YIPF1: variants seen among roughly 807,000 people sequenced by gnomAD.
The protein encoded by YIPF1 is protein YIPF1.
YIPF1 carries 22 observed loss-of-function variants against 37.0 expected under a neutral mutation model. That is an observed-to-expected ratio of 0.59 (90% CI 0.42 to 0.85). The LOEUF (loss-of-function observed/expected upper bound fraction) is 0.85. Ranked by LOEUF, YIPF1 falls within the 40% of genes least tolerant of loss-of-function variation. The pLI, the probability that YIPF1 is intolerant of heterozygous loss-of-function variation, is 0.00. For missense variants in YIPF1, 355 were observed against 373.1 expected (o/e 0.95, Z 0.40); for synonymous variants, 128 against 131.9 (o/e 0.97, Z 0.21).
At position 53,860,141 on chromosome 1, in the gene YIPF1, C is replaced by A; in HGVS notation, c.844G>T (p.Asp282Tyr). 1 of 1,613,714 alleles carries A rather than the reference C, an allele frequency of 6.2e-7. No homozygotes were observed. Among genetic ancestry groups the A allele is most frequent in the East Asian group, 2.2e-5 (1 of 44,854 alleles). The change falls in exon 10 of 11, where the codon GAT becomes TAT. Residue 282 changes from aspartate (D) to tyrosine (Y), a missense_variant. Coordinates refer to ENST00000072644, the MANE Select transcript of YIPF1 (RefSeq NM_018982.5). ...LSVGCLAYFF[D>Y]APEMDHLPTT... Reference sequence around the variant, plus strand: ...GGGAGATGGTCCATCTCTGGTGCATCAAAAAAGTATGCCTGTGGGGAAAAA... The same window carrying A: ...GGGAGATGGTCCATCTCTGGTGCATAAAAAAAGTATGCCTGTGGGGAAAAA...
At chr1:53,865,044 T>A (rs6588494) in intron 9 of YIPF1, among the ~76,000 whole-genome samples, 57,772 of 151,936 alleles carry the variant, frequency 0.38, 11,201 homozygotes, top group East Asian at 0.57. Flanking sequence ...ACATGCTCTC[T>A]CCCTAAAAAG....
chr1:53,878,832 A>G lies in YIPF1; in HGVS notation c.196-110T>C, dbSNP rs914407489. The stretch of plus-strand genomic sequence containing the variant: ...ATGGAAAAGCAAAACGTTTGAAACA[A>G]TAGGCTCTTCCACATTCAATAACCA... On this transcript the variant is annotated intron_variant, in intron 4 of 10. Coordinates refer to ENST00000072644, the MANE Select transcript of YIPF1 (RefSeq NM_018982.5). 31 of 953,008 alleles carry G rather than the reference A, an allele frequency of 3.3e-5. No homozygotes were observed. The Admixed American group carries it at 8.9e-4, about 27-fold the overall frequency. 59.0% of individuals were successfully genotyped at this position (953,008 alleles called of 1,614,324 possible). A position where few individuals can be genotyped will look rare whatever the true frequency, so the allele number is the denominator to read the frequency against.
intron 7 of YIPF1, among the ~76,000 whole-genome samples, chr1:53,870,572 T>C (rs368462081): frequency 1.3e-5 from 2 of 152,152 alleles, no homozygotes; most frequent in South Asian, 2.1e-4. Context: ...TGACTGGCAA[T>C]TGCAGATGAC....
At chr1:53,865,401 T>C (rs1649990406) in intron 9 of YIPF1, among the ~76,000 whole-genome samples, 2 of 152,104 alleles carry the variant, frequency 1.3e-5, no homozygotes, top group African/African-American at 4.8e-5. Context: ...AACACCAATA[T>C]GACAATAAAA....
chr1:53,870,514 C>A (rs997617117), intron 7 of YIPF1, among the ~76,000 whole-genome samples: 1 of 152,018 alleles, frequency 6.6e-6, no homozygotes, highest in African/African-American at 2.4e-5. Flanking sequence ...AGAATAGGCA[C>A]CAGTTTGGAA....
rs140056089 is a variant in YIPF1, at chr1:53,871,413, A to G, written c.440T>C (p.Leu147Pro). 1 of 1,614,036 alleles carries G rather than the reference A, an allele frequency of 6.2e-7. No homozygotes were observed. Among genetic ancestry groups the G allele is most frequent in the Non-Finnish European group, 8.5e-7 (1 of 1,179,988 alleles). The part of the protein sequence containing the change: ...SGNLSNFLIH[L>P]GEKTYHYVPE... ...CACATAATGGTACGTCTTCTCTCCC[A>G]GATGGATCAAGAAGTTGGAAAGATT... The change falls in exon 7 of 11, where the codon CTG becomes CCG. Residue 147 changes from leucine (L) to proline (P), a missense_variant. Transcript: ENST00000072644.
Position 53,866,897 on chromosome 1 carries a change from GCA to G in YIPF1, c.507_508del (p.Ala170LeufsTer82). 1 of 1,613,488 alleles carries G rather than the reference GCA, an allele frequency of 6.2e-7. No individual in the cohort carries two copies. Among genetic ancestry groups the G allele is most frequent in the Non-Finnish European group, 8.5e-7 (1 of 1,179,710 alleles). On this transcript the variant is annotated frameshift_variant, in exon 8 of 11. Coordinates refer to ENST00000072644, the MANE Select transcript of YIPF1 (RefSeq NM_018982.5). LOFTEE classifies it high-confidence loss of function. ...TGCAAGAGGAACCAGCCAGGCATAG[GCA>G]TAGATGATGGTAGCTGCTATGGACA...
rs573337532 is a variant in YIPF1 at position 53,867,412 on chromosome 1, G to A, written c.482-488C>T. ...TTTTGAGACAGAGTCTTGCTCTGTC[G>A]CCCAGGCTGGAGTGCAGTGGCGCGA... On this transcript the variant is annotated intron_variant, in intron 7 of 10. Transcript: ENST00000072644. Among the ~76,000 whole-genome samples, 444 of 121,134 alleles carry A rather than the reference G, an allele frequency of 3.7e-3. 2 individuals are homozygous for A. The highest frequency in any genetic ancestry group is 0.014 in the South Asian group (55 of 3,808). 79.5% of individuals were successfully genotyped at this position (121,134 alleles called of 152,430 possible).
intron 7 of YIPF1, among the ~76,000 whole-genome samples, chr1:53,869,870 C>T (rs942452294): frequency 1.4e-5 from 2 of 143,348 alleles, no homozygotes; most frequent in African/African-American, 2.6e-5. Context: ...TCTTTCTCCC[C>T]GCTTTTTTTT....
At chr1:53,869,262 T>C (rs902996404) in intron 7 of YIPF1, among the ~76,000 whole-genome samples, 2 of 152,078 alleles carry the variant, frequency 1.3e-5, no homozygotes, top group Admixed American at 1.3e-4. Context: ...ATGGTTAACA[T>C]TTATTGCATT....
At position 53,888,847 on chromosome 1, in the gene YIPF1, C is replaced by T. The variant is rs894030903; in HGVS notation, c.31+60G>A. On this transcript the variant is annotated intron_variant, in intron 3 of 10. Transcript: ENST00000072644. ...GTGAGGCAGTATAGGAATGAAAATA[C>T]TTGCTGTGACTGTAGCAACAGTGAT... 25 of 1,468,388 alleles carry T rather than the reference C, an allele frequency of 1.7e-5. 1 individual carries two copies. The African/African-American group carries it at 2.5e-4, about 15-fold the overall frequency. 91.0% of individuals were successfully genotyped at this position (1,468,388 alleles called of 1,614,324 possible). A position where few individuals can be genotyped will look rare whatever the true frequency, so the allele number is the denominator to read the frequency against.
chr1:53,879,534 A>G (rs1053028152), intron 4 of YIPF1, among the ~76,000 whole-genome samples: 3 of 152,188 alleles, frequency 2.0e-5, no homozygotes, highest in African/African-American at 7.2e-5. Flanking sequence ...CCTATTGAGA[A>G]GAGGCACCTG....
At chr1:53,878,481 T>C (rs893027680) in intron 5 of YIPF1, 79 bp from the exon 6 acceptor site, 10 of 1,520,016 alleles carry the variant, frequency 6.6e-6, no homozygotes, top group African/African-American at 1.4e-5. Context: ...TGAAACTCAG[T>C]CATTAGAGCT....
intron 9 of YIPF1, among the ~76,000 whole-genome samples, chr1:53,865,333 C>T (rs183535367): frequency 2.6e-5 from 4 of 152,266 alleles, no homozygotes; most frequent in East Asian, 3.9e-4. Flanking sequence ...ACAGGCTCAG[C>T]ATGCTCAGGC....
intron 4 of YIPF1, among the ~76,000 whole-genome samples, chr1:53,882,517 G>C (rs1168287158): frequency 7.3e-5 from 11 of 151,620 alleles, no homozygotes; most frequent in Non-Finnish European, 1.6e-4. Flanking sequence ...GAGTGTAGTG[G>C]TGCAATCTCA....
chr1:53,864,783 G>C (rs1210557396), intron 9 of YIPF1, among the ~76,000 whole-genome samples: 2 of 152,028 alleles, frequency 1.3e-5, no homozygotes, highest in Non-Finnish European at 2.9e-5. Context: ...GTGTACAGAA[G>C]ACACAAAACC....
rs765095150 is a variant in YIPF1, at chr1:53,871,383, T to C, written c.470A>G (p.Glu157Gly). ...LGEKTYHYVP[E>G]FRKVSIAATI... ...AGCTATTCACCAACCTTTTCGGAATTCGGGCACATAATGGTACGTCTTCTC... is the reference window on the plus strand; with the variant it reads ...AGCTATTCACCAACCTTTTCGGAATCCGGGCACATAATGGTACGTCTTCTC... The change falls in exon 7 of 11, where the codon GAA (glutamate) becomes GGA (glycine). Residue 157 changes from glutamate to glycine, a missense_variant. Physicochemically the swap from Glu to Gly is moderately conservative, Grantham distance 98. Coordinates refer to ENST00000072644, the MANE Select transcript of YIPF1 (RefSeq NM_018982.5). 5 of 1,613,194 alleles carry C rather than the reference T, an allele frequency of 3.1e-6. No homozygotes were observed. The African/African-American group carries it at 6.7e-5, about 22-fold the overall frequency.
chr1:53,872,863 G>GAAAGATTTACTCACTT (rs1650229440), intron 6 of YIPF1, among the ~76,000 whole-genome samples: 1 of 152,154 alleles, frequency 6.6e-6, no homozygotes, highest in Non-Finnish European at 1.5e-5. Flanking sequence ...AAAGCTTTCT[G>GAAAGATTTACTCACTT]CTGTAGACAA....
chr1:53,879,245 C>T (rs1650422072), intron 4 of YIPF1, among the ~76,000 whole-genome samples: 1 of 152,018 alleles, frequency 6.6e-6, no homozygotes, highest in Admixed American at 6.6e-5. Context: ...CACGCGTACA[C>T]CACTATGCCC....
Sources: allele counts gnomAD v4.1 joint callset (sites outside exome capture counted in the v4.1 genomes callset), GRCh38; gene constraint gnomAD v4.1.1; transcripts MANE v1.5; gene names NCBI Gene and HGNC (gene_info 2026-07-23, HGNC 2026-07-21).